The following FOXN2 variants were observed in gnomAD, a reference collection of about 807,000 sequenced individuals.
FOXN2 encodes forkhead box protein N2.
FOXN2 carries 19 observed loss-of-function variants against 41.2 expected under a neutral mutation model. That is an observed-to-expected ratio of 0.46 (90% CI 0.32 to 0.68). The LOEUF (loss-of-function observed/expected upper bound fraction) is 0.68, where lower values mean the gene tolerates loss of function less well. FOXN2 is among the 30% of genes least tolerant of loss of function. The pLI, the probability that FOXN2 is intolerant of heterozygous loss-of-function variation, is 0.03. For synonymous variants in FOXN2, 195 were observed against 176.8 expected, an observed-to-expected ratio of 1.10 and a Z score of -0.82; for missense variants, 587 against 509.4, an observed-to-expected ratio of 1.15 and a Z score of -1.47.
At chr2:48,364,445 T>C (rs960113552) in intron 5 of FOXN2, among the ~76,000 whole-genome samples, 1 of 152,166 alleles carries the variant, frequency 6.6e-6, no homozygotes, top group Non-Finnish European at 1.5e-5. Flanking sequence ...ATGCCACATA[T>C]GTGAATAGAT....
At chr2:48,357,531 ACT>A (rs1202988839) in intron 3 of FOXN2, among the ~76,000 whole-genome samples, 1 of 149,352 alleles carries the variant, frequency 6.7e-6, no homozygotes, top group Non-Finnish European at 1.5e-5. Flanking sequence ...ACAGCGTTTC[ACT>A]CTGTCACCCA....
At chr2:48,318,048 T>C (rs1030224600) in intron 1 of FOXN2, among the ~76,000 whole-genome samples, 6 of 152,196 alleles carry the variant, frequency 3.9e-5, no homozygotes, top group African/African-American at 1.4e-4. Flanking sequence ...TTATTTCCCT[T>C]ACCCTAACTT....
chr2:48,359,020 T>C (rs1392230323), intron 3 of FOXN2, 27 bp from the exon 4 acceptor site: 4 of 1,538,156 alleles, frequency 2.6e-6, no homozygotes, highest in South Asian at 2.3e-5. Context: ...TAAAAGTTCC[T>C]AGTTATTCTT....
chr2:48,351,199 C>T (rs560578092), intron 3 of FOXN2, among the ~76,000 whole-genome samples: 4 of 152,002 alleles, frequency 2.6e-5, no homozygotes, highest in South Asian at 2.1e-4. Context: ...TGGGCTCAAG[C>T]GATCCACCTG....
chr2:48,328,492 A>AAAAGTCT (rs1173450671), intron 1 of FOXN2, 69 bp from the exon 2 acceptor site: 1 of 152,216 alleles, frequency 6.6e-6, no homozygotes, highest in Non-Finnish European at 1.5e-5. Context: ...CGACAAGAAA[A>AAAAGTCT]AAAGTCTATA....
At chr2:48,373,392 T>C in intron 6 of FOXN2, 32 bp downstream of exon 6, 1 of 1,289,670 alleles carries the variant, frequency 7.8e-7, no homozygotes. Context: ...AAAAAAAAAT[T>C]TTAGTGCCTT....
intron 2 of FOXN2, among the ~76,000 whole-genome samples, chr2:48,335,882 G>T (rs1227877240): frequency 1.3e-5 from 2 of 151,808 alleles, no homozygotes; most frequent in African/African-American, 2.4e-5. Flanking sequence ...AAAAAAGTTA[G>T]CCAGGCGTGG....
At chr2:48,365,494 T>C (rs1672474875) in intron 5 of FOXN2, among the ~76,000 whole-genome samples, 1 of 152,248 alleles carries the variant, frequency 6.6e-6, no homozygotes, top group Non-Finnish European at 1.5e-5. Flanking sequence ...TTTACTTAAA[T>C]CTTTTCTTGC....
intron 2 of FOXN2, among the ~76,000 whole-genome samples, chr2:48,339,981 GA>G (rs1027271241): frequency 2.2e-4 from 34 of 152,248 alleles, no homozygotes; most frequent in Non-Finnish European, 3.1e-4. Flanking sequence ...TTCGATGGGG[GA>G]AAAAACAAGT....
At chr2:48,332,059 C>A (rs905547075) in intron 2 of FOXN2, among the ~76,000 whole-genome samples, 1 of 152,028 alleles carries the variant, frequency 6.6e-6, no homozygotes, top group Non-Finnish European at 1.5e-5. Flanking sequence ...AATTCTGAAA[C>A]AGAATAGTAC....
chr2:48,323,782 A>C (rs1669492439), intron 1 of FOXN2, among the ~76,000 whole-genome samples: 1 of 152,022 alleles, frequency 6.6e-6, no homozygotes, highest in Non-Finnish European at 1.5e-5. Flanking sequence ...TTGAGTTCTT[A>C]GTCATAAATT....
intron 5 of FOXN2, 94 bp downstream of exon 5, chr2:48,362,801 A>G (rs1672280654): frequency 1.9e-6 from 2 of 1,040,106 alleles, no homozygotes; most frequent in African/African-American, 1.6e-5. Flanking sequence ...TAAGATTATA[A>G]TGGAGCTGAA....
chr2:48,325,478 G>A (rs1484431749), intron 1 of FOXN2, among the ~76,000 whole-genome samples: 1 of 152,008 alleles, frequency 6.6e-6, no homozygotes, highest in African/African-American at 2.4e-5. Flanking sequence ...GAGTGTATGT[G>A]GAATAAATAC....
chr2:48,329,681 T>A (rs1669907857), intron 2 of FOXN2, among the ~76,000 whole-genome samples: 1 of 152,168 alleles, frequency 6.6e-6, no homozygotes, highest in African/African-American at 2.4e-5. Context: ...CAAATATACA[T>A]CTTTTTGCAG....
At chr2:48,323,060 C>A (rs1266582432) in intron 1 of FOXN2, among the ~76,000 whole-genome samples, 2 of 151,992 alleles carry the variant, frequency 1.3e-5, no homozygotes, top group African/African-American at 2.4e-5. Flanking sequence ...ATTATGAGAA[C>A]ACAGAGTAGG....
intron 3 of FOXN2, among the ~76,000 whole-genome samples, chr2:48,358,115 GT>G (rs928811319): frequency 1.3e-4 from 19 of 147,232 alleles, no homozygotes; most frequent in African/African-American, 4.5e-4. Flanking sequence ...ATTTTATCCC[GT>G]TTTTTTTTAC....
At chr2:48,357,733 G>A (rs1490334350) in intron 3 of FOXN2, among the ~76,000 whole-genome samples, 3 of 151,886 alleles carry the variant, frequency 2.0e-5, no homozygotes, top group African/African-American at 7.3e-5. Flanking sequence ...ACCGCACCTG[G>A]CCTGGTGCTA....
chr2:48,344,039 A>G (rs1462773105), intron 2 of FOXN2, among the ~76,000 whole-genome samples: 1 of 152,196 alleles, frequency 6.6e-6, no homozygotes, highest in African/African-American at 2.4e-5. Flanking sequence ...AACACTGGGT[A>G]CACTAAAGAG....
chr2:48,332,563 A>G (rs1012308712), intron 2 of FOXN2, among the ~76,000 whole-genome samples: 2 of 152,236 alleles, frequency 1.3e-5, no homozygotes, highest in Admixed American at 6.5e-5. Context: ...AGGGAGATCT[A>G]TCCTTAACAC....
Sources: allele counts gnomAD v4.1 joint callset (sites outside exome capture counted in the v4.1 genomes callset), GRCh38; gene constraint gnomAD v4.1.1; transcripts MANE v1.5; gene names NCBI Gene and HGNC (gene_info 2026-07-23, HGNC 2026-07-21).